The following DOCK2 variants were observed in gnomAD, a reference collection of about 807,000 sequenced individuals.
The protein encoded by DOCK2 is dedicator of cytokinesis 2, also known as dedicator of cytokinesis protein 2.
DOCK2 carries 87 observed loss-of-function variants against 248.9 expected under a neutral mutation model. The observed-to-expected ratio is 0.35, with a 90% CI of 0.29 to 0.42. DOCK2 has a LOEUF of 0.42. Ranked by LOEUF, DOCK2 falls within the 10% of genes least tolerant of loss-of-function variation. The pLI is 1.00. For synonymous variants in DOCK2, 805 were observed against 821.6 expected, an observed-to-expected ratio of 0.98 and a Z score of 0.35; for missense variants, 1,747 against 2,300.2, an observed-to-expected ratio of 0.76 and a Z score of 4.92.
At position 170,082,843 on chromosome 5, in the gene DOCK2, G is replaced by A. The variant is rs151161252; in HGVS notation, c.5478G>A (p.Leu1826=). ...AEEGKQIPDS[L]STDL ...AAGGCAAACAGATCCCAGACTCGCTGTCCACGGACCTGTGAGCTGCTGCTG... is the reference window on the plus strand; with the variant it reads ...AAGGCAAACAGATCCCAGACTCGCTATCCACGGACCTGTGAGCTGCTGCTG... The change falls in exon 52 of 52, where the codon CTG becomes CTA. Residue 1826 remains leucine (L), a synonymous_variant. Transcript: ENST00000520908. 6.2e-7 allele frequency: 1 copy of A among 1,614,226 alleles called. No homozygotes were observed. Among genetic ancestry groups the A allele is most frequent in the Non-Finnish European group, 8.5e-7 (1 of 1,180,036 alleles).
chr5:169,679,405 T>A (rs1331611428), intron 6 of DOCK2, among the ~76,000 whole-genome samples: 1 of 152,142 alleles, frequency 6.6e-6, no homozygotes, highest in Non-Finnish European at 1.5e-5. Flanking sequence ...GGACAGCCTC[T>A]CCTGCCCCTG....
intron 27 of DOCK2, among the ~76,000 whole-genome samples, chr5:169,890,088 G>A (rs553755569): frequency 1.3e-5 from 2 of 152,324 alleles, no homozygotes; most frequent in Admixed American, 6.5e-5. Flanking sequence ...AGAAGGACTC[G>A]ATGACTTGTC....
At chr5:169,838,397 CT>C (rs2113322336) in intron 26 of DOCK2, among the ~76,000 whole-genome samples, 1 of 152,260 alleles carries the variant, frequency 6.6e-6, no homozygotes, top group East Asian at 1.9e-4. Context: ...TGTTGCTCGT[CT>C]TGATGTGAGA....
intron 22 of DOCK2, among the ~76,000 whole-genome samples, chr5:169,737,272 A>C (rs1763087492): frequency 6.6e-6 from 1 of 152,122 alleles, no homozygotes; most frequent in Non-Finnish European, 1.5e-5. Context: ...GAACTGTGGA[A>C]AGTCTAGGGT....
chr5:169,848,375 C>T (rs185912398), intron 27 of DOCK2, among the ~76,000 whole-genome samples: 92 of 152,318 alleles, frequency 6.0e-4, no homozygotes, highest in Middle Eastern at 3.4e-3. Flanking sequence ...CTCCAGTCAT[C>T]TGTGCTCCCT....
intron 27 of DOCK2, among the ~76,000 whole-genome samples, chr5:169,926,786 T>A (rs1449622165): frequency 6.6e-6 from 1 of 152,232 alleles, no homozygotes; most frequent in Non-Finnish European, 1.5e-5. Flanking sequence ...AACTAGTTAC[T>A]TATTGAGCTT....
At chr5:169,650,228 C>T (rs1007961539) in intron 1 of DOCK2, among the ~76,000 whole-genome samples, 1 of 152,176 alleles carries the variant, frequency 6.6e-6, no homozygotes, top group African/African-American at 2.4e-5. Flanking sequence ...TAGATGTTCA[C>T]ATGGATATCT....
Position 169,700,067 on chromosome 5 carries a change from G to A in DOCK2, c.1186G>A (p.Asp396Asn), listed in dbSNP as rs770750889. 1.9e-6 allele frequency: 3 copies of A among 1,614,040 alleles called. No individual in the cohort carries two copies. The highest frequency in any genetic ancestry group is 2.5e-6 in the Non-Finnish European group (3 of 1,179,938). Reference protein sequence around the residue: ...LVGDIIQIRKDYPHLVDRTTV... With the variant: ...LVGDIIQIRKNYPHLVDRTTV... The stretch of plus-strand genomic sequence containing the variant: ...GGGTGACATCATTCAGATTCGCAAG[G>A]ACTATCCACACCTGGTGGACAGGAC... Residue 396 changes from aspartate to asparagine, a missense_variant, in exon 13 of 52, where the codon GAC (aspartate) becomes AAC (asparagine). Asp to Asn is a conservative substitution (Grantham distance 23). Around this residue, in one of 4 missense-constraint regions of DOCK2, gnomAD observed 375 missense variants for 510.9 expected, o/e 0.73. Coordinates refer to ENST00000520908, the MANE Select transcript of DOCK2 (RefSeq NM_004946.3).
At chr5:169,708,962 A>G (rs188851795) in intron 15 of DOCK2, among the ~76,000 whole-genome samples, 51 of 152,328 alleles carry the variant, frequency 3.3e-4, no homozygotes, top group African/African-American at 1.1e-3. Flanking sequence ...ATGCTCACCA[A>G]TGGTGTGACC....
At chr5:169,701,037 C>T (rs181209486) in intron 13 of DOCK2, among the ~76,000 whole-genome samples, 2 of 152,256 alleles carry the variant, frequency 1.3e-5, no homozygotes, top group Admixed American at 1.3e-4. Flanking sequence ...CCTGAAGTAA[C>T]CTGATGTTAA....
chr5:169,953,051 C>A (rs1326539689), intron 27 of DOCK2, among the ~76,000 whole-genome samples: 1 of 152,122 alleles, frequency 6.6e-6, no homozygotes, highest in African/African-American at 2.4e-5. Context: ...GGGCCAGGCA[C>A]GGTGGCTCAT....
At chr5:169,952,306 T>C (rs1364141725) in intron 27 of DOCK2, among the ~76,000 whole-genome samples, 2 of 152,202 alleles carry the variant, frequency 1.3e-5, no homozygotes, top group African/African-American at 4.8e-5. Flanking sequence ...GTGTACCTGA[T>C]GCACTGCTGG....
intron 7 of DOCK2, among the ~76,000 whole-genome samples, chr5:169,683,787 A>T (rs1312567934): frequency 6.6e-6 from 1 of 152,062 alleles, no homozygotes; most frequent in Non-Finnish European, 1.5e-5. Context: ...TATTTTCCTC[A>T]TAATTAGTTG....
intron 46 of DOCK2, among the ~76,000 whole-genome samples, chr5:170,071,672 A>G (rs1248674860): frequency 6.6e-6 from 1 of 152,166 alleles, no homozygotes; most frequent in Non-Finnish European, 1.5e-5. Context: ...CACCACCCAG[A>G]TGAAATAGAA....
intron 30 of DOCK2, among the ~76,000 whole-genome samples, chr5:169,996,576 G>GA (rs1356759546): frequency 6.6e-6 from 1 of 152,038 alleles, no homozygotes; most frequent in Non-Finnish European, 1.5e-5. Flanking sequence ...TGATTCCTTT[G>GA]AAAGTCATTT....
At chr5:169,788,445 A>T (rs1285800861) in intron 25 of DOCK2, among the ~76,000 whole-genome samples, 1 of 152,206 alleles carries the variant, frequency 6.6e-6, no homozygotes, top group East Asian at 1.9e-4. Context: ...TCACAATTTG[A>T]GTCAAAAGCA....
chr5:169,863,853 T>A (rs1771361614), intron 27 of DOCK2, among the ~76,000 whole-genome samples: 1 of 152,160 alleles, frequency 6.6e-6, no homozygotes, highest in East Asian at 1.9e-4. Context: ...ACCTATAACC[T>A]CCCTCTACCT....
chr5:169,910,163 G>A (rs570892438), intron 27 of DOCK2, among the ~76,000 whole-genome samples: 43 of 152,280 alleles, frequency 2.8e-4, no homozygotes, highest in African/African-American at 9.6e-4. Context: ...AGTTCTAGAT[G>A]ATTAGTACCG....
intron 26 of DOCK2, among the ~76,000 whole-genome samples, chr5:169,804,588 A>G (rs1476879388): frequency 4.0e-5 from 6 of 151,890 alleles, no homozygotes; most frequent in African/African-American, 9.7e-5. Context: ...TCATATCTCT[A>G]TTTGTTGGTT....
Sources: gnomAD v4.1 joint callset for allele counts (sites outside exome capture counted in the v4.1 genomes callset) on GRCh38, gnomAD v4.1.1 for gene constraint, gnomAD v4.1.1 regional missense constraint, MANE v1.5 for transcripts, NCBI Gene and HGNC (gene_info 2026-07-23, HGNC 2026-07-21) for gene names.